TRPC4AP: variants seen among roughly 807,000 people sequenced by gnomAD.
TRPC4AP encodes transient receptor potential cation channel subfamily C member 4 associated protein.
Under a neutral mutation model 99.0 loss-of-function variants are expected in TRPC4AP, and 45 were observed. That is an observed-to-expected ratio of 0.45 (90% CI 0.36 to 0.58). TRPC4AP has a LOEUF of 0.58. Among genes scored for constraint, TRPC4AP ranks in the 20% least tolerant of loss-of-function variants. The pLI, the probability that TRPC4AP is intolerant of heterozygous loss-of-function variation, is 0.00. For synonymous variants in TRPC4AP, 408 were observed against 385.8 expected, an observed-to-expected ratio of 1.06 and a Z score of -0.67; for missense variants, 879 against 985.3, an observed-to-expected ratio of 0.89 and a Z score of 1.44.
At position 35,012,915 on chromosome 20, in the gene TRPC4AP, C is replaced by T. The variant is rs1049870482; in HGVS notation, c.1409+93G>A. 3.0e-6 allele frequency: 4 copies of T among 1,330,860 alleles called. No homozygotes were observed. In the African/African-American group the frequency reaches 4.3e-5, roughly 14 times the overall value. The allele number at this position is 1,330,860 out of a possible 1,614,324, so 82.4% of individuals were successfully genotyped here. On this transcript the variant is annotated intron_variant, in intron 11 of 18. Coordinates refer to ENST00000252015, the MANE Select transcript of TRPC4AP (RefSeq NM_015638.3). ...TGGGCTTCCACCAGCTCCAGGGCCT[C>T]CTCTCGAGCTGAGGTCAGGGACCAG...
At chr20:35,021,766 TC>T (rs2147298045) in intron 8 of TRPC4AP, among the ~76,000 whole-genome samples, 1 of 152,320 alleles carries the variant, frequency 6.6e-6, no homozygotes, top group Non-Finnish European at 1.5e-5. Context: ...CTGCTGAGAC[TC>T]CATGAGGGAC....
chr20:35,030,706 C>T lies in TRPC4AP; in HGVS notation c.1051+4417G>A, dbSNP rs145978249. 8.7e-4 allele frequency among the ~76,000 whole-genome samples: 133 copies of T among 152,250 alleles called. 1 individual carries two copies. In the East Asian group the frequency reaches 0.019, roughly 21 times the overall value. On this transcript the variant is annotated intron_variant, in intron 8 of 18. Coordinates refer to ENST00000252015, the MANE Select transcript of TRPC4AP (RefSeq NM_015638.3). ...ACTCCATTACAACTTTGGTACCACC[C>T]GTTTTCTTTGTACAGTTATTGCAAA...
rs1359514523 is a variant in TRPC4AP at position 35,040,086 on chromosome 20, C to T, written c.865+4419G>A. ...ACAGTTATGGACTGTGTCCCCACCC[C>T]CCGCGCCCCCACAAATTCATACGTT... On this transcript the variant is annotated intron_variant, in intron 7 of 18. Coordinates refer to ENST00000252015, the MANE Select transcript of TRPC4AP (RefSeq NM_015638.3). Among the ~76,000 whole-genome samples the T allele has an allele frequency of 2.0e-5, 3 of 151,860 alleles. No individual in the cohort carries two copies. In the South Asian group the frequency reaches 6.2e-4, roughly 32 times the overall value.
chr20:35,053,389 T>C lies in TRPC4AP; in HGVS notation c.528+1587A>G, dbSNP rs1382989453. Among the ~76,000 whole-genome samples the C allele has an allele frequency of 7.2e-5, 11 of 152,208 alleles. No individual in the cohort carries two copies. In the South Asian group the frequency reaches 1.9e-3, roughly 26 times the overall value. On this transcript the variant is annotated intron_variant, in intron 5 of 18. Coordinates refer to ENST00000252015, the MANE Select transcript of TRPC4AP (RefSeq NM_015638.3). Reference sequence around the variant, plus strand: ...TTATTGGAATGTCACTGATTAACATTAGGTATCATGATTTTAAAACGGCCT... The same window carrying C: ...TTATTGGAATGTCACTGATTAACATCAGGTATCATGATTTTAAAACGGCCT...
In TRPC4AP at chr20:35,021,259, A is replaced by G; in HGVS notation, c.1149T>C (p.His383=). The G allele has an allele frequency of 1.3e-6, 2 of 1,560,470 alleles. No homozygotes were observed. Among genetic ancestry groups the G allele is most frequent in the Non-Finnish European group, 8.8e-7 (1 of 1,133,958 alleles). Residue 383 remains histidine (H), a synonymous_variant, in exon 9 of 19, where the codon CAT becomes CAC. Coordinates refer to ENST00000252015, the MANE Select transcript of TRPC4AP (RefSeq NM_015638.3). ...TQLPQSMKIM[H]EIMYKLEVLY... is the part of the protein sequence containing the mutation. ...GCACTTCCAGTTTGTACATGATCTC[A>G]TGCATAATCTTCATTGACTGGGGCA...
chr20:35,009,758 G>T (rs1055162578), intron 12 of TRPC4AP, among the ~76,000 whole-genome samples: 1 of 152,242 alleles, frequency 6.6e-6, no homozygotes, highest in South Asian at 2.1e-4. Flanking sequence ...CTGGCTCCAG[G>T]TGAGGCAAAC....
At chr20:35,058,889 A>T (rs926093688) in intron 3 of TRPC4AP, among the ~76,000 whole-genome samples, 72 of 151,986 alleles carry the variant, frequency 4.7e-4, no homozygotes, top group African/African-American at 1.7e-3. Flanking sequence ...AGGTTTTGCC[A>T]TGTTGGCCAG....
intron 16 of TRPC4AP, among the ~76,000 whole-genome samples, chr20:35,005,243 G>A (rs2082492538): frequency 6.6e-6 from 1 of 152,206 alleles, no homozygotes; most frequent in South Asian, 2.1e-4. Flanking sequence ...TTTTGGGGGT[G>A]TGGGGGGGTC....
intron 4 of TRPC4AP, among the ~76,000 whole-genome samples, chr20:35,055,809 G>C (rs535792344): frequency 6.6e-6 from 1 of 152,192 alleles, no homozygotes; most frequent in Admixed American, 6.5e-5. Flanking sequence ...ATCTGTGTTG[G>C]GCAAATGGCT....
chr20:35,084,589 T>C (rs944167323), intron 1 of TRPC4AP, among the ~76,000 whole-genome samples: 1 of 136,136 alleles, frequency 7.3e-6, no homozygotes, highest in Admixed American at 7.7e-5. Context: ...TATATGTTTA[T>C]ATGCATATAT....
At chr20:35,086,821 T>C (rs894044122) in intron 1 of TRPC4AP, among the ~76,000 whole-genome samples, 2 of 151,238 alleles carry the variant, frequency 1.3e-5, no homozygotes, top group African/African-American at 4.9e-5. Flanking sequence ...GATCAAGAGA[T>C]CAAGAGTTTG....
rs776292939 is a variant in TRPC4AP, at chr20:35,044,509, A to G, written c.861T>C (p.Asn287=). Residue 287 remains asparagine (N), a synonymous_variant, in exon 7 of 19, where the codon AAT becomes AAC. Transcript: ENST00000252015. ...LSLGPSAAEI[N]QAALLSIPGF... ...CTGAGAACTTGGAGACTTTACCTTG[A>G]TTGATTTCAGCTGCAGAAGGCCCCA... is the stretch of plus-strand genomic sequence containing the variant. 5 of 1,613,706 alleles carry G rather than the reference A, an allele frequency of 3.1e-6. No homozygotes were observed. The Admixed American group carries it at 6.7e-5, about 22-fold the overall frequency.
chr20:35,032,781 T>C (rs1055604062), intron 8 of TRPC4AP, among the ~76,000 whole-genome samples: 1 of 152,178 alleles, frequency 6.6e-6, no homozygotes, highest in African/African-American at 2.4e-5. Context: ...CCTTTGATCA[T>C]ATTTTTAATG....
At chr20:35,071,118 AT>A (rs1277812384) in intron 2 of TRPC4AP, among the ~76,000 whole-genome samples, 5 of 152,220 alleles carry the variant, frequency 3.3e-5, no homozygotes, top group African/African-American at 1.2e-4. Flanking sequence ...AAATATGAAA[AT>A]GTCTCTTCTT....
rs1046644927 is a variant in TRPC4AP at position 35,054,856 on chromosome 20, C to T, written c.528+120G>A. The T allele has an allele frequency of 2.5e-5, 21 of 839,526 alleles. No homozygotes were observed. The South Asian group carries it at 3.1e-4, about 12-fold the overall frequency. 52.0% of individuals were successfully genotyped at this position (839,526 alleles called of 1,614,324 possible). Reference sequence around the variant, plus strand: ...TTTTCAGGCACACATAAAATAAGCCCGATTCCCCCACTGTCTGAAAGCAGC... The same window carrying T: ...TTTTCAGGCACACATAAAATAAGCCTGATTCCCCCACTGTCTGAAAGCAGC... On this transcript the variant is annotated intron_variant, in intron 5 of 18. Transcript: ENST00000252015.
intron 2 of TRPC4AP, among the ~76,000 whole-genome samples, chr20:35,077,738 A>T (rs1048620892): frequency 1.3e-5 from 2 of 152,224 alleles, no homozygotes; most frequent in African/African-American, 4.8e-5. Flanking sequence ...CTTTTCAAAA[A>T]GAATGTCATC....
At position 35,092,643 on chromosome 20, in the gene TRPC4AP, TCAGCTGGCCCTG is replaced by T; in HGVS notation, c.127_138del (p.Gln43_Leu46del). ...ACCGCCCGGACCAGGCCCCGGCCGG[TCAGCTGGCCCTG>T]CCGCAGCTGCAGCAGAATGTTACCA... On this transcript the variant is annotated inframe_deletion, in exon 1 of 19. Transcript: ENST00000252015. 1.5e-6 allele frequency: 2 copies of T among 1,353,110 alleles called. No homozygotes were observed. Among genetic ancestry groups the T allele is most frequent in the Non-Finnish European group, 1.9e-6 (2 of 1,039,922 alleles). The allele number at this position is 1,353,110 out of a possible 1,614,324, so 83.8% of individuals were successfully genotyped here.
At chr20:35,058,342 G>T (rs146250496) in intron 3 of TRPC4AP, among the ~76,000 whole-genome samples, 4 of 152,290 alleles carry the variant, frequency 2.6e-5, no homozygotes, top group African/African-American at 9.6e-5. Context: ...CATGCAGCAA[G>T]AACAGAGTAT....
chr20:35,091,996 C>A (rs1300108921), intron 1 of TRPC4AP, among the ~76,000 whole-genome samples: 2 of 152,154 alleles, frequency 1.3e-5, no homozygotes, highest in Non-Finnish European at 2.9e-5. Context: ...CACTAGCAAA[C>A]CAGATATAGT....
Sources: gnomAD v4.1 joint callset for allele counts (sites outside exome capture counted in the v4.1 genomes callset) on GRCh38, gnomAD v4.1.1 for gene constraint, MANE v1.5 for transcripts, NCBI Gene and HGNC (gene_info 2026-07-23, HGNC 2026-07-21) for gene names.